The following MYPN variants were observed in gnomAD, a reference collection of about 807,000 sequenced individuals.
MYPN encodes myopalladin, also known as sarcomeric protein myopalladin, 145 kDa (MYOP).
A neutral mutation model predicts 129.4 loss-of-function variants in MYPN; 63 were observed. That is an observed-to-expected ratio of 0.49 (90% CI 0.40 to 0.60). The LOEUF (loss-of-function observed/expected upper bound fraction) is 0.60, where lower values mean the gene tolerates loss of function less well. MYPN is among the 20% of genes least tolerant of loss of function. MYPN has a pLI of 0.00. For synonymous variants in MYPN, 629 were observed against 600.9 expected (o/e 1.05, Z -0.68); for missense variants, 1,596 against 1,635.4 (o/e 0.98, Z 0.42).
chr10:68,209,674 T>TC (rs1564704074), intron 19 of MYPN, among the ~76,000 whole-genome samples: 5 of 36,166 alleles, frequency 1.4e-4, no homozygotes, highest in African/African-American at 8.3e-4. Context: ...TTCTTTTCTT[T>TC]TTTTTTTTTT....
intron 10 of MYPN, among the ~76,000 whole-genome samples, chr10:68,170,392 T>C (rs1452745875): frequency 6.6e-6 from 1 of 152,182 alleles, no homozygotes; most frequent in Non-Finnish European, 1.5e-5. Context: ...TGTATATGTT[T>C]ACATTAGTAT....
intron 2 of MYPN, among the ~76,000 whole-genome samples, chr10:68,127,241 G>T (rs2042339269): frequency 6.6e-6 from 1 of 151,676 alleles, no homozygotes; most frequent in East Asian, 1.9e-4. Flanking sequence ...CTGACCTCAG[G>T]TGATCCACCT....
intron 18 of MYPN, among the ~76,000 whole-genome samples, chr10:68,204,167 C>T (rs956736169): frequency 2.6e-5 from 4 of 152,338 alleles, no homozygotes; most frequent in African/African-American, 9.6e-5. Flanking sequence ...CATTCTCTCT[C>T]CCACGACTAG....
At chr10:68,202,093 T>G (rs543654067) in intron 18 of MYPN, 99 bp downstream of exon 18, 1 of 1,375,358 alleles carries the variant, frequency 7.3e-7, no homozygotes, top group African/African-American at 1.4e-5. Flanking sequence ...CTTACTTCAT[T>G]TAGAATAATG....
At chr10:68,170,496 A>G (rs1343280967) in intron 10 of MYPN, among the ~76,000 whole-genome samples, 1 of 152,198 alleles carries the variant, frequency 6.6e-6, no homozygotes, top group Non-Finnish European at 1.5e-5. Context: ...TTTTAACCTC[A>G]TTAGTTTAAC....
chr10:68,129,196 T>G (rs1341229898), intron 2 of MYPN, among the ~76,000 whole-genome samples: 1 of 152,202 alleles, frequency 6.6e-6, no homozygotes, highest in Non-Finnish European at 1.5e-5. Context: ...CGGCCGTCTG[T>G]GTTCTAACAA....
At position 68,110,696 on chromosome 10, in the gene MYPN, C is replaced by A. The variant is rs2042070022; in HGVS notation, c.-2+973C>A. Among the ~76,000 whole-genome samples the A allele has an allele frequency of 2.6e-5, 4 of 152,094 alleles. No homozygotes were observed. The East Asian group carries it at 7.7e-4, about 29-fold the overall frequency. Reference sequence around the variant, plus strand: ...CCTTAATAATAACAGCTCTTGAGTTCACATAAAATTCATAATCCTTTTCTA... The same window carrying A: ...CCTTAATAATAACAGCTCTTGAGTTAACATAAAATTCATAATCCTTTTCTA... On this transcript the variant is annotated intron_variant, in intron 1 of 19. Transcript: ENST00000358913.
chr10:68,211,578 T>C lies in MYPN; in HGVS notation c.*1123T>C, dbSNP rs972758953. 1 of 453,966 alleles carries C rather than the reference T, an allele frequency of 2.2e-6. No individual in the cohort carries two copies. The highest frequency in any genetic ancestry group is 2.0e-5 in the African/African-American group (1 of 49,978). 28.1% of individuals were successfully genotyped at this position (453,966 alleles called of 1,614,324 possible). The stretch of plus-strand genomic sequence containing the variant: ...GAAAGGGGAATATGCATCTTTATTC[T>C]AATCACCAATTCAAACCCTGCCTCT... On this transcript the variant is annotated 3_prime_UTR_variant, in exon 20 of 20. Transcript: ENST00000358913.
chr10:68,092,533 T>C (rs2041936029), intron 1 of MYPN, among the ~76,000 whole-genome samples: 1 of 152,086 alleles, frequency 6.6e-6, no homozygotes, highest in Non-Finnish European at 1.5e-5. Flanking sequence ...GTTTCCAGTT[T>C]TTTGCTGTTA....
At chr10:68,094,805 T>A (rs532317390) in intron 1 of MYPN, among the ~76,000 whole-genome samples, 53 of 152,254 alleles carry the variant, frequency 3.5e-4, no homozygotes, top group African/African-American at 1.3e-3. Flanking sequence ...CTCAGGCCTG[T>A]CATCCCAGCA....
intron 2 of MYPN, among the ~76,000 whole-genome samples, chr10:68,133,094 C>T (rs186606017): frequency 4.4e-4 from 63 of 143,224 alleles, no homozygotes; most frequent in African/African-American, 1.2e-3. Flanking sequence ...GGCATGATCT[C>T]GACTCACTGT....
At chr10:68,150,455 G>T (rs953605291) in intron 6 of MYPN, among the ~76,000 whole-genome samples, 2 of 152,144 alleles carry the variant, frequency 1.3e-5, no homozygotes, top group Non-Finnish European at 2.9e-5. Context: ...TCAATTGCAG[G>T]TACCTGGCTT....
intron 2 of MYPN, chr10:68,136,484 C>T (rs1307333576): frequency 2.4e-6 from 3 of 1,227,412 alleles, no homozygotes; most frequent in East Asian, 2.8e-5. Context: ...CCTCAAAAGT[C>T]TTCAGCATAG....
upstream of MYPN, among the ~76,000 whole-genome samples, chr10:68,108,671 T>C (rs1048263892): frequency 7.2e-5 from 11 of 152,210 alleles, no homozygotes; most frequent in Non-Finnish European, 1.3e-4. Flanking sequence ...ATTTAATCTA[T>C]ACTAAGCAAT....
At chr10:68,139,139 G>A (rs184292712) in intron 2 of MYPN, among the ~76,000 whole-genome samples, 5 of 152,024 alleles carry the variant, frequency 3.3e-5, no homozygotes, top group African/African-American at 9.7e-5. Flanking sequence ...CCTTCATTCC[G>A]GGACATTCAC....
chr10:68,210,345 G>C lies in MYPN; in HGVS notation c.3853G>C (p.Gly1285Arg). 6.2e-7 allele frequency: 1 copy of C among 1,614,044 alleles called. No homozygotes were observed. The highest frequency in any genetic ancestry group is 1.7e-5 in the Admixed American group (1 of 60,014). The change falls in exon 20 of 20, where the codon GGA (glycine) becomes CGA (arginine). Residue 1285 changes from glycine (G) to arginine (R), a missense_variant. Gly to Arg is a moderately radical substitution (Grantham distance 125). Coordinates refer to ENST00000358913, the MANE Select transcript of MYPN (RefSeq NM_032578.4). ...TGTCCGGCCCAGTGGCAGTCGCTAC[G>C]GATCTCTCACCAGTAAAGGACTTGA... ...MSVRPSGSRY[G>R]SLTSKGLDIF... is the part of the protein sequence containing the mutation.
In MYPN at chr10:68,113,960, A is replaced by T. The variant is rs149276097; in HGVS notation, c.-2+4237A>T. 3.5e-3 allele frequency among the ~76,000 whole-genome samples: 531 copies of T among 152,318 alleles called. 8 individuals carry two copies. Among genetic ancestry groups the T allele is most frequent in the African/African-American group, 0.012 (496 of 41,574 alleles). ...AATACATTACATTATTACTAACTAT[A>T]GTCCCCATGCTGTACAGCAAGACTC... On this transcript the variant is annotated intron_variant, in intron 1 of 19. Coordinates refer to ENST00000358913, the MANE Select transcript of MYPN (RefSeq NM_032578.4).
At chr10:68,116,650 C>T (rs944536508) in intron 1 of MYPN, among the ~76,000 whole-genome samples, 2 of 151,790 alleles carry the variant, frequency 1.3e-5, no homozygotes, top group Admixed American at 6.6e-5. Flanking sequence ...GCAGGAGAAT[C>T]GCTTGAACAC....
chr10:68,185,456 C>T (rs1053133034), intron 12 of MYPN, among the ~76,000 whole-genome samples: 9 of 152,096 alleles, frequency 5.9e-5, no homozygotes, highest in Non-Finnish European at 1.3e-4. Flanking sequence ...CACATACCCT[C>T]CCCAACACCC....
Sources: allele counts gnomAD v4.1 joint callset (sites outside exome capture counted in the v4.1 genomes callset), GRCh38; gene constraint gnomAD v4.1.1; transcripts MANE v1.5; gene names NCBI Gene and HGNC (gene_info 2026-07-23, HGNC 2026-07-21).